MTREX: variants seen among roughly 807,000 people sequenced by gnomAD.
MTREX encodes the protein exosome RNA helicase MTR4.
In MTREX, 76 loss-of-function variants were observed where a neutral mutation model predicts 135.4. That is an observed-to-expected ratio of 0.56 (90% confidence interval 0.47 to 0.68). The LOEUF is 0.68. MTREX is among the 30% of genes least tolerant of loss of function. The pLI, the probability that MTREX is intolerant of heterozygous loss-of-function variation, is 0.00. For synonymous variants in MTREX, 404 were observed against 401.6 expected (o/e 1.01, Z -0.07); for missense variants, 920 against 1,262.1 (o/e 0.73, Z 4.11).
chr5:55,340,951 A>G lies in MTREX; in HGVS notation c.691-730A>G, dbSNP rs1304402102. On this transcript the variant is annotated intron_variant, in intron 6 of 26. Coordinates refer to ENST00000230640, the MANE Select transcript of MTREX (RefSeq NM_015360.5). ...CCATAATTGCAGTTAAGTTTTGCAT[A>G]TACTTAGAATATCTTAAGTTTTGGA... Among the ~76,000 whole-genome samples, 4 of 152,300 alleles carry G rather than the reference A, an allele frequency of 2.6e-5. No homozygotes were observed. In the East Asian group the frequency reaches 7.7e-4, roughly 29 times the overall value.
chr5:55,354,978 G>C (rs1181414289), intron 14 of MTREX, among the ~76,000 whole-genome samples: 1 of 152,216 alleles, frequency 6.6e-6, no homozygotes, highest in East Asian at 1.9e-4. Flanking sequence ...AGAGGAAGCA[G>C]GCACAGGGTG....
At chr5:55,392,541 TAA>T (rs34486683) in intron 19 of MTREX, among the ~76,000 whole-genome samples, 5,462 of 114,570 alleles carry the variant, frequency 0.048, 205 homozygotes, top group African/African-American at 0.13. Context: ...GGGCTCTGTC[TAA>T]AAAAAAAAAA....
At position 55,397,301 on chromosome 5, in the gene MTREX, A is replaced by G. The variant is rs368438236; in HGVS notation, c.2182-115A>G. The G allele has an allele frequency of 5.8e-4, 307 of 532,898 alleles. 5 individuals are homozygous for G. In the South Asian group the frequency reaches 0.01, roughly 18 times the overall value. The allele number at this position is 532,898 out of a possible 1,614,324, so 33.0% of individuals were successfully genotyped here. A position where few individuals can be genotyped will look rare whatever the true frequency, so the allele number is the denominator to read the frequency against. ...TCACGGTGATTATTATGTACTTCTT[A>G]TACCTGTTACATACCATAAATGCAA... On this transcript the variant is annotated intron_variant, in intron 19 of 26. Transcript: ENST00000230640.
At chr5:55,416,450 T>G (rs1750967669) in intron 25 of MTREX, among the ~76,000 whole-genome samples, 1 of 152,124 alleles carries the variant, frequency 6.6e-6, no homozygotes, top group Admixed American at 6.5e-5. Flanking sequence ...CTTTTCACTT[T>G]TGTTCTCCTG....
intron 6 of MTREX, among the ~76,000 whole-genome samples, 184 bp downstream of exon 6, chr5:55,340,368 T>C (rs1749624773): frequency 2.0e-5 from 3 of 152,228 alleles, no homozygotes; most frequent in Admixed American, 2.0e-4. Flanking sequence ...ATTACATTTC[T>C]AAATTACCAT....
chr5:55,417,256 A>G (rs572683902), intron 25 of MTREX, among the ~76,000 whole-genome samples: 6 of 152,288 alleles, frequency 3.9e-5, no homozygotes, highest in Non-Finnish European at 7.4e-5. Context: ...AGTAAGTACT[A>G]TATGCCAAAC....
At chr5:55,308,755 A>G (rs991132929) in intron 1 of MTREX, among the ~76,000 whole-genome samples, 2 of 152,196 alleles carry the variant, frequency 1.3e-5, no homozygotes, top group Non-Finnish European at 2.9e-5. Context: ...CCCTACCCAT[A>G]TGTTTAGACT....
chr5:55,373,005 G>A (rs1473973590), intron 16 of MTREX, among the ~76,000 whole-genome samples: 4 of 147,722 alleles, frequency 2.7e-5, no homozygotes, highest in African/African-American at 9.9e-5. Context: ...TTGTTAAAAC[G>A]TTGGGGCACT....
chr5:55,397,279 C>T (rs910010168), intron 19 of MTREX, 137 bp from the exon 20 acceptor site: 10 of 441,576 alleles, frequency 2.3e-5, no homozygotes, highest in African/African-American at 4.0e-5. Context: ...GAATGCTTCA[C>T]GGTGATTATT....
chr5:55,326,995 G>T lies in MTREX; in HGVS notation c.340-721G>T, dbSNP rs939250400. Among the ~76,000 whole-genome samples the T allele has an allele frequency of 2.6e-5, 4 of 152,166 alleles. No homozygotes were observed. The East Asian group carries it at 7.7e-4, about 29-fold the overall frequency. On this transcript the variant is annotated intron_variant, in intron 3 of 26. Transcript: ENST00000230640. Reference sequence around the variant, plus strand: ...ATAGTTTGCTGAGAATGAGTTTCCAGCTTCATCCATATCCCTGCAAAGGAC... The same window carrying T: ...ATAGTTTGCTGAGAATGAGTTTCCATCTTCATCCATATCCCTGCAAAGGAC...
intron 1 of MTREX, among the ~76,000 whole-genome samples, chr5:55,322,036 T>A (rs1435139796): frequency 6.6e-6 from 1 of 152,256 alleles, no homozygotes; most frequent in Admixed American, 6.5e-5. Context: ...TGTTAATGTC[T>A]AATGATGTTT....
At chr5:55,358,771 T>C in intron 15 of MTREX, 73 bp downstream of exon 15, 3 of 1,339,108 alleles carry the variant, frequency 2.2e-6, no homozygotes, top group Non-Finnish European at 3.0e-6. Context: ...TCAGAATTGG[T>C]TGTGTCAGTC....
intron 18 of MTREX, among the ~76,000 whole-genome samples, chr5:55,384,246 C>G (rs1750443323): frequency 6.6e-6 from 1 of 152,174 alleles, no homozygotes; most frequent in Admixed American, 6.5e-5. Flanking sequence ...AGTCTATCTT[C>G]AGATTCACTG....
intron 24 of MTREX, among the ~76,000 whole-genome samples, chr5:55,414,856 G>A (rs2111620747): frequency 6.6e-6 from 1 of 152,142 alleles, no homozygotes; most frequent in South Asian, 2.1e-4. Flanking sequence ...CACCATGTTG[G>A]CCAGGCTGGT....
chr5:55,366,704 G>A (rs1276512201), intron 15 of MTREX, 21 bp from the exon 16 acceptor site: 1 of 1,509,208 alleles, frequency 6.6e-7, no homozygotes, highest in Non-Finnish European at 8.9e-7. Flanking sequence ...CTACAAAATT[G>A]ACATTTTTTT....
At chr5:55,414,272 A>G (rs1454165277) in intron 24 of MTREX, 34 bp downstream of exon 24, 3 of 1,402,990 alleles carry the variant, frequency 2.1e-6, no homozygotes, top group Admixed American at 5.0e-5. Context: ...TGAACTACAT[A>G]TTTTATGAAT....
At chr5:55,319,895 T>C (rs1749260786) in intron 1 of MTREX, among the ~76,000 whole-genome samples, 1 of 152,186 alleles carries the variant, frequency 6.6e-6, no homozygotes, top group African/African-American at 2.4e-5. Context: ...TTTAACCAGC[T>C]CCTAATAGAA....
chr5:55,361,755 G>A (rs1483285093), intron 15 of MTREX, among the ~76,000 whole-genome samples: 2 of 129,316 alleles, frequency 1.5e-5, no homozygotes, highest in Non-Finnish European at 3.2e-5. Flanking sequence ...ACTGCATCCA[G>A]CCCTTTTTTT....
chr5:55,313,234 C>A (rs1399414810), intron 1 of MTREX, among the ~76,000 whole-genome samples: 1 of 147,330 alleles, frequency 6.8e-6, no homozygotes, highest in Non-Finnish European at 1.5e-5. Flanking sequence ...CCCAGGAGTT[C>A]GGGACCAGCT....
Sources: gnomAD v4.1 joint callset for allele counts (sites outside exome capture counted in the v4.1 genomes callset) on GRCh38, gnomAD v4.1.1 for gene constraint, MANE v1.5 for transcripts, NCBI Gene and HGNC (gene_info 2026-07-23, HGNC 2026-07-21) for gene names.